PRKG1: variants seen among roughly 807,000 people sequenced by gnomAD.
PRKG1 encodes cGMP-dependent protein kinase 1.
A neutral mutation model predicts 88.1 loss-of-function variants in PRKG1; 35 were observed. The observed-to-expected ratio is 0.40, with a 90% CI of 0.30 to 0.53. The LOEUF (loss-of-function observed/expected upper bound fraction) is 0.53. Ranked by LOEUF, PRKG1 falls within the 20% of genes least tolerant of loss-of-function variation. The pLI is 0.59. For synonymous variants in PRKG1, 303 were observed against 292.5 expected, an observed-to-expected ratio of 1.04 and a Z score of -0.37; for missense variants, 540 against 839.8, an observed-to-expected ratio of 0.64 and a Z score of 4.41.
chr10:52,108,880 G>GA lies in PRKG1; in HGVS notation c.936-24960_936-24959insA, dbSNP rs1847489021. On this transcript the variant is annotated intron_variant, in intron 7 of 17. Coordinates refer to ENST00000373980, the MANE Select transcript of PRKG1 (RefSeq NM_006258.4). ...GTCGCTCTGTCGCCCAAGTTGGAGT[G>GA]CAGTGGCGCAATCTCAGCTCACTGC... Among the ~76,000 whole-genome samples, 3 of 77,372 alleles carry GA rather than the reference G, an allele frequency of 3.9e-5. No homozygotes were observed. In the South Asian group the frequency reaches 1.5e-3, roughly 37 times the overall value. The allele number at this position is 77,372 out of a possible 152,430, so 50.8% of individuals were successfully genotyped here.
At chr10:51,172,600 CTATGTATGTATGTATG>C (rs34401585) in intron 2 of PRKG1, among the ~76,000 whole-genome samples, 1,705 of 141,576 alleles carry the variant, frequency 0.012, 36 homozygotes, top group African/African-American at 0.041. Flanking sequence ...CTATGTCTGT[CTATGTATGTATGTATG>C]TATGTATGTA....
chr10:51,581,632 C>T (rs12265183), intron 3 of PRKG1, among the ~76,000 whole-genome samples: 21,614 of 152,032 alleles, frequency 0.14, 1,668 homozygotes, highest in African/African-American at 0.2. Flanking sequence ...AAGCACGTCA[C>T]GCGCTGCTGG....
chr10:51,113,977 G>GTT (rs1845042701), intron 1 of PRKG1, among the ~76,000 whole-genome samples: 1 of 150,584 alleles, frequency 6.6e-6, no homozygotes, highest in African/African-American at 2.4e-5. Context: ...GTGTGTGTGT[G>GTT]TGTGTGTGTT....
intron 2 of PRKG1, among the ~76,000 whole-genome samples, chr10:51,381,324 A>C (rs185459364): frequency 6.7e-6 from 1 of 148,628 alleles, no homozygotes; most frequent in Non-Finnish European, 1.5e-5. Flanking sequence ...GTATGGAATA[A>C]ATGCATGAGG....
chr10:51,590,813 T>TTG, intron 3 of PRKG1, among the ~76,000 whole-genome samples: 1 of 147,630 alleles, frequency 6.8e-6, no homozygotes, highest in East Asian at 2.1e-4. Context: ...CATTTCGATA[T>TTG]GGGGGGGGTG....
chr10:51,228,855 G>C (rs768591163), intron 2 of PRKG1, among the ~76,000 whole-genome samples: 1 of 152,106 alleles, frequency 6.6e-6, no homozygotes, highest in South Asian at 2.1e-4. Context: ...GCCCTACGTG[G>C]CCTGGATCCT....
At chr10:51,885,587 C>G (rs1841547310) in intron 4 of PRKG1, among the ~76,000 whole-genome samples, 1 of 152,210 alleles carries the variant, frequency 6.6e-6, no homozygotes, top group African/African-American at 2.4e-5. Context: ...TCTTTTACTT[C>G]TCCCATATCA....
chr10:52,273,749 T>G (rs1841793771), intron 12 of PRKG1, among the ~76,000 whole-genome samples: 1 of 152,228 alleles, frequency 6.6e-6, no homozygotes, highest in Middle Eastern at 3.4e-3. Context: ...GGCGATAAGG[T>G]TAACATCTAT....
At chr10:52,156,419 C>T (rs10733900) in intron 8 of PRKG1, among the ~76,000 whole-genome samples, 106,507 of 151,616 alleles carry the variant, frequency 0.7, 38,936 homozygotes, top group South Asian at 0.83. Flanking sequence ...TACTTTATTC[C>T]TTTTGCATAA....
intron 3 of PRKG1, among the ~76,000 whole-genome samples, chr10:51,626,054 T>C (rs1839329338): frequency 6.6e-6 from 1 of 152,258 alleles, no homozygotes; most frequent in African/African-American, 2.4e-5. Flanking sequence ...TCAATTACTA[T>C]TTCTTGCCTT....
intron 3 of PRKG1, among the ~76,000 whole-genome samples, chr10:51,510,081 AGTT>A (rs1841347219): frequency 6.6e-6 from 1 of 152,204 alleles, no homozygotes; most frequent in Non-Finnish European, 1.5e-5. Context: ...GTTCTGAAAA[AGTT>A]AAGTTATACC....
chr10:52,192,063 C>A (rs1193615223), intron 9 of PRKG1, among the ~76,000 whole-genome samples: 2 of 152,068 alleles, frequency 1.3e-5, no homozygotes, highest in Non-Finnish European at 2.9e-5. Context: ...GGTGACAAAT[C>A]AGATTTTTAA....
intron 1 of PRKG1, among the ~76,000 whole-genome samples, chr10:51,052,457 A>G (rs946775644): frequency 3.9e-4 from 59 of 152,280 alleles, no homozygotes; most frequent in African/African-American, 1.4e-3. Context: ...CTTTTTTGCC[A>G]TTTTCATTAC....
At chr10:51,221,385 A>AAT (rs1260192057) in intron 2 of PRKG1, among the ~76,000 whole-genome samples, 1 of 152,070 alleles carries the variant, frequency 6.6e-6, no homozygotes, top group African/African-American at 2.4e-5. Context: ...ATGATATCAA[A>AAT]ATATATATAT....
At chr10:52,168,882 G>T (rs1838574830) in intron 9 of PRKG1, among the ~76,000 whole-genome samples, 1 of 152,148 alleles carries the variant, frequency 6.6e-6, no homozygotes, top group Non-Finnish European at 1.5e-5. Flanking sequence ...TGGTTCCCAG[G>T]TTTGGAGAGT....
intron 2 of PRKG1, among the ~76,000 whole-genome samples, chr10:51,360,814 C>T (rs1438753424): frequency 6.6e-6 from 1 of 151,862 alleles, no homozygotes; most frequent in Non-Finnish European, 1.5e-5. Context: ...TGTTTTAGAG[C>T]AGGCAACACA....
chr10:51,765,123 T>C (rs568048875), intron 3 of PRKG1, among the ~76,000 whole-genome samples: 5 of 152,338 alleles, frequency 3.3e-5, no homozygotes, highest in African/African-American at 1.2e-4. Context: ...GGAGCACAGC[T>C]AGTTTCTTGA....
At chr10:52,139,954 C>A (rs1472412872) in intron 8 of PRKG1, among the ~76,000 whole-genome samples, 1 of 152,088 alleles carries the variant, frequency 6.6e-6, no homozygotes, top group Non-Finnish European at 1.5e-5. Flanking sequence ...CTTTGCAGTG[C>A]AAAAGTAACT....
At chr10:51,581,325 G>A (rs998922190) in intron 3 of PRKG1, among the ~76,000 whole-genome samples, 1 of 152,102 alleles carries the variant, frequency 6.6e-6, no homozygotes, top group Non-Finnish European at 1.5e-5. Context: ...GCAAAAGCTG[G>A]TTACAAACAA....
Sources: allele counts gnomAD v4.1 joint callset (sites outside exome capture counted in the v4.1 genomes callset), GRCh38; gene constraint gnomAD v4.1.1; transcripts MANE v1.5; gene names NCBI Gene and HGNC (gene_info 2026-07-23, HGNC 2026-07-21).